Variants in IPO11 observed in about 807,000 individuals in gnomAD.
IPO11 encodes the protein importin-11.
In IPO11, 66 loss-of-function variants were observed where a neutral mutation model predicts 143.2. That is an observed-to-expected ratio of 0.46 (90% CI 0.38 to 0.57). The LOEUF (loss-of-function observed/expected upper bound fraction) is 0.57, where lower values mean the gene tolerates loss of function less well. Ranked by LOEUF, IPO11 falls within the 20% of genes least tolerant of loss-of-function variation. The pLI, the probability that IPO11 is intolerant of heterozygous loss-of-function variation, is 0.00. For synonymous variants in IPO11, 385 were observed against 377.8 expected (o/e 1.02, Z -0.22); for missense variants, 1,026 against 1,141.0 (o/e 0.90, Z 1.45).
At chr5:62,492,059 C>CAT (rs1746634404) in intron 15 of IPO11, among the ~76,000 whole-genome samples, 1 of 152,182 alleles carries the variant, frequency 6.6e-6, no homozygotes, top group African/African-American at 2.4e-5. Flanking sequence ...CTTTAATGTA[C>CAT]ATATGAGTCA....
chr5:62,485,780 G>A (rs899778336), intron 12 of IPO11, among the ~76,000 whole-genome samples: 3 of 151,266 alleles, frequency 2.0e-5, no homozygotes, highest in Non-Finnish European at 4.4e-5. Flanking sequence ...AGCCCAGGAG[G>A]TTGAGGCTGC....
chr5:62,555,608 G>A (rs969861927), intron 26 of IPO11, among the ~76,000 whole-genome samples: 2 of 151,594 alleles, frequency 1.3e-5, no homozygotes, highest in Non-Finnish European at 2.9e-5. Flanking sequence ...GGTTCACATC[G>A]TTCTCCTGCC....
chr5:62,564,024 A>C (rs2112371169), intron 27 of IPO11, among the ~76,000 whole-genome samples: 1 of 152,340 alleles, frequency 6.6e-6, no homozygotes, highest in East Asian at 1.9e-4. Context: ...TGAAATACAA[A>C]TCTAATGGGC....
At chr5:62,572,984 C>T (rs1245687767) in intron 27 of IPO11, among the ~76,000 whole-genome samples, 1 of 152,110 alleles carries the variant, frequency 6.6e-6, no homozygotes, top group African/African-American at 2.4e-5. Context: ...AACCTCCTAT[C>T]GTAAATTATA....
intron 21 of IPO11, among the ~76,000 whole-genome samples, chr5:62,527,649 A>C (rs990676152): frequency 6.6e-6 from 1 of 151,998 alleles, no homozygotes; most frequent in African/African-American, 2.4e-5. Flanking sequence ...AAGTGTAGAT[A>C]TTTTCAAGGG....
intron 3 of IPO11, 125 bp from the exon 4 acceptor site, chr5:62,449,802 A>G (rs1744845583): frequency 1.8e-6 from 1 of 560,652 alleles, no homozygotes. Flanking sequence ...AATCCTTTTT[A>G]TTTACAAAAA....
chr5:62,563,018 A>T (rs1309871365), intron 27 of IPO11, among the ~76,000 whole-genome samples: 1 of 152,212 alleles, frequency 6.6e-6, no homozygotes, highest in African/African-American at 2.4e-5. Context: ...GCCAATTTGA[A>T]CCTGGGCTGC....
At chr5:62,509,945 T>C (rs1741688428) in intron 19 of IPO11, among the ~76,000 whole-genome samples, 1 of 152,256 alleles carries the variant, frequency 6.6e-6, no homozygotes, top group African/African-American at 2.4e-5. Context: ...ACGATAGTTC[T>C]GGTTTTCATT....
chr5:62,547,686 G>A (rs975475769), intron 24 of IPO11, among the ~76,000 whole-genome samples: 1 of 151,928 alleles, frequency 6.6e-6, no homozygotes, highest in Non-Finnish European at 1.5e-5. Context: ...ACTGCTTTAT[G>A]TGGGGATTAT....
At chr5:62,419,072 A>G (rs1197731889) in intron 1 of IPO11, 3 of 1,551,078 alleles carry the variant, frequency 1.9e-6, no homozygotes, top group East Asian at 2.4e-5. Context: ...TATCTAGGCT[A>G]TAAGCCTGTA....
At chr5:62,461,860 A>G (rs1391053074) in intron 5 of IPO11, among the ~76,000 whole-genome samples, 2 of 152,156 alleles carry the variant, frequency 1.3e-5, no homozygotes, top group Middle Eastern at 3.2e-3. Flanking sequence ...CATTATACTT[A>G]CGTTGAACAT....
intron 27 of IPO11, among the ~76,000 whole-genome samples, chr5:62,567,021 A>G (rs558566897): frequency 3.9e-5 from 6 of 152,066 alleles, no homozygotes; most frequent in Non-Finnish European, 7.4e-5. Context: ...AGGGAATTTT[A>G]TCCATCCAGA....
chr5:62,488,139 G>A (rs868741241), intron 13 of IPO11, among the ~76,000 whole-genome samples: 2 of 151,680 alleles, frequency 1.3e-5, no homozygotes, highest in South Asian at 2.1e-4. Context: ...TATCTGGAGC[G>A]TGTTGTGAGA....
At chr5:62,618,793 C>T (rs866346818) in intron 29 of IPO11, among the ~76,000 whole-genome samples, 1 of 152,150 alleles carries the variant, frequency 6.6e-6, no homozygotes, top group South Asian at 2.1e-4. Flanking sequence ...CGCCTGTAGT[C>T]CCACCTAGTC....
At chr5:62,452,040 C>T (rs1371618745) in intron 5 of IPO11, 107 bp downstream of exon 5, 6 of 832,698 alleles carry the variant, frequency 7.2e-6, no homozygotes, top group Non-Finnish European at 9.9e-6. Context: ...GGGTGGATCA[C>T]GAGGTCAGGC....
At chr5:62,578,489 ATGT>A (rs1561370594) in intron 27 of IPO11, among the ~76,000 whole-genome samples, 1 of 152,016 alleles carries the variant, frequency 6.6e-6, no homozygotes, top group East Asian at 1.9e-4. Flanking sequence ...TTCAGTAGCT[ATGT>A]TGTTTGATAG....
intron 16 of IPO11, among the ~76,000 whole-genome samples, chr5:62,502,844 A>G (rs1741395638): frequency 6.7e-6 from 1 of 150,170 alleles, no homozygotes; most frequent in African/African-American, 2.5e-5. Flanking sequence ...CCTTTTTCCG[A>G]GTTGGAGTCT....
chr5:62,498,126 CAT>C (rs1741222665), intron 16 of IPO11, among the ~76,000 whole-genome samples: 1 of 151,868 alleles, frequency 6.6e-6, no homozygotes, highest in African/African-American at 2.4e-5. Context: ...ACAAATTTTT[CAT>C]AGTTTATGGA....
chr5:62,550,756 G>C (rs776935200), intron 25 of IPO11, among the ~76,000 whole-genome samples: 6 of 151,902 alleles, frequency 3.9e-5, no homozygotes, highest in Admixed American at 3.3e-4. Context: ...ATATGAGGGG[G>C]ACAAAATAGT....
Sources: allele counts gnomAD v4.1 joint callset (sites outside exome capture counted in the v4.1 genomes callset), GRCh38; gene constraint gnomAD v4.1.1; transcripts MANE v1.5; gene names NCBI Gene and HGNC (gene_info 2026-07-23, HGNC 2026-07-21).